Variants in PITX3 observed in about 807,000 individuals in gnomAD.
The protein encoded by PITX3 is pituitary homeobox 3.
PITX3 carries 4 observed loss-of-function variants against 14.2 expected under a neutral mutation model. The observed-to-expected ratio is 0.28, with a 90% CI of 0.14 to 0.65. PITX3 has a LOEUF of 0.65. Ranked by LOEUF, PITX3 falls within the 30% of genes least tolerant of loss-of-function variation. PITX3 has a pLI of 0.82. For missense variants in PITX3, 358 were observed against 426.8 expected (o/e 0.84, Z 1.42); for synonymous variants, 194 against 204.5 (o/e 0.95, Z 0.44).
rs747415454 is a variant in PITX3 at position 102,230,841 on chromosome 10, G to A, written c.582C>T (p.Ile194=). The change falls in exon 4 of 4, where the codon ATC becomes ATT. Residue 194 remains isoleucine, a synonymous_variant. Coordinates refer to ENST00000370002, the MANE Select transcript of PITX3 (RefSeq NM_005029.4). ...CGGCGGAGGGCACCATGGAGGCGGC[G>A]ATGGAGCTGGGTGGCGAGAAGACGG... ...SQPVFSPPSS[I]AASMVPSAAA... is the part of the protein sequence containing the mutation. 5 of 1,588,668 alleles carry A rather than the reference G, an allele frequency of 3.1e-6. No individual in the cohort carries two copies. Among genetic ancestry groups the A allele is most frequent in the Non-Finnish European group, 4.3e-6 (5 of 1,168,514 alleles).
chr10:102,235,970 C>T (rs2070382913), intron 1 of PITX3, among the ~76,000 whole-genome samples: 1 of 152,212 alleles, frequency 6.6e-6, no homozygotes, highest in Non-Finnish European at 1.5e-5. Flanking sequence ...CCTTTAGGCT[C>T]TTGCATGGGC....
In PITX3 at chr10:102,230,726, C is replaced by T. The variant is rs1307568436; in HGVS notation, c.697G>A (p.Gly233Arg). ...PGLAPAAVSS[G>R]AVSCPYASAA... is the part of the protein sequence containing the mutation. ...GAGGCATAAGGGCAGGACACGGCCC[C>T]GGAGGACACGGCGGCCGGAGCCAGC... Residue 233 changes from glycine to arginine, a missense_variant, in exon 4 of 4, where the codon GGG becomes AGG. Coordinates refer to ENST00000370002, the MANE Select transcript of PITX3 (RefSeq NM_005029.4). 40 of 1,517,498 alleles carry T rather than the reference C, an allele frequency of 2.6e-5. No individual in the cohort carries two copies. Among genetic ancestry groups the T allele is most frequent in the Non-Finnish European group, 3.2e-5 (36 of 1,134,122 alleles). The allele number at this position is 1,517,498 out of a possible 1,614,324, so 94.0% of individuals were successfully genotyped here.
In PITX3 at chr10:102,241,144, C is replaced by G. The variant is rs2070525468; in HGVS notation, c.-13+189G>C. On this transcript the variant is annotated intron_variant, in intron 1 of 3. Coordinates refer to ENST00000370002, the MANE Select transcript of PITX3 (RefSeq NM_005029.4). This position sits in a 1 kb window ranked among gnomAD's most constrained non-coding sequence, Gnocchi z 6.7. ...CTCTGAGTCTCCCCCTTCCCTATCCCCTGGTTCTTACCCTGAGTTTCCCTT... is the reference window on the plus strand; with the variant it reads ...CTCTGAGTCTCCCCCTTCCCTATCCGCTGGTTCTTACCCTGAGTTTCCCTT... Among the ~76,000 whole-genome samples, 1 of 152,208 alleles carries G rather than the reference C, an allele frequency of 6.6e-6. No homozygotes were observed. The highest frequency in any genetic ancestry group is 2.1e-4 in the South Asian group (1 of 4,832).
chr10:102,232,082 G>A lies in PITX3; in HGVS notation c.-2C>T, dbSNP rs1404898895. 1 of 1,583,588 alleles carries A rather than the reference G, an allele frequency of 6.3e-7. No individual in the cohort carries two copies. Among genetic ancestry groups the A allele is most frequent in the Non-Finnish European group, 8.6e-7 (1 of 1,163,594 alleles). ...CTCGCTGAGCAGGCCGAACTCCATGGAGGGAGGGCTCTGGAGGCGAGAGAA... is the reference window on the plus strand; with the variant it reads ...CTCGCTGAGCAGGCCGAACTCCATGAAGGGAGGGCTCTGGAGGCGAGAGAA... On this transcript the variant is annotated 5_prime_UTR_variant, in exon 2 of 4. Transcript: ENST00000370002.
At chr10:102,238,040 A>G (rs1295593656) in intron 1 of PITX3, among the ~76,000 whole-genome samples, 1 of 152,192 alleles carries the variant, frequency 6.6e-6, no homozygotes, top group Non-Finnish European at 1.5e-5. Flanking sequence ...AGGAGAAACT[A>G]TTAACTGAAA....
chr10:102,231,199 T>A, intron 3 of PITX3, 98 bp from the exon 4 acceptor site: 1 of 1,198,514 alleles, frequency 8.3e-7, no homozygotes, highest in East Asian at 2.7e-5. Flanking sequence ...GGCCCTGCGG[T>A]CAATAAACGA....
intron 1 of PITX3, among the ~76,000 whole-genome samples, chr10:102,234,468 C>T (rs2070333210): frequency 6.6e-6 from 1 of 152,268 alleles, no homozygotes. Flanking sequence ...ACTTCCCCTT[C>T]CAGGTCGGGT....
At chr10:102,233,218 C>G (rs1302793701) in intron 1 of PITX3, among the ~76,000 whole-genome samples, 2 of 151,932 alleles carry the variant, frequency 1.3e-5, no homozygotes, top group Non-Finnish European at 1.5e-5. Context: ...GCGGTTCTAG[C>G]CTGGCCTTGC....
chr10:102,236,459 CCA>C (rs1253263390), intron 1 of PITX3, among the ~76,000 whole-genome samples: 2 of 152,176 alleles, frequency 1.3e-5, no homozygotes, highest in African/African-American at 4.8e-5. Flanking sequence ...TGGCCCAGTC[CCA>C]CTGGTATCAG....
In PITX3 at chr10:102,231,493, G is replaced by A. The variant is rs1590405370; in HGVS notation, c.321+95C>T. 9.8e-6 allele frequency: 8 copies of A among 813,064 alleles called. No homozygotes were observed. In the East Asian group the frequency reaches 2.2e-4, roughly 22 times the overall value. 50.4% of individuals were successfully genotyped at this position (813,064 alleles called of 1,614,324 possible). On this transcript the variant is annotated intron_variant, in intron 3 of 3. Transcript: ENST00000370002. ...CAGGGTCCGGGGTCCGGGGTCCGAG[G>A]GAGGGGGCAGGTGGGGTGGAACCGC...
rs756594245 is a variant in PITX3 at position 102,230,583 on chromosome 10, G to A, written c.840C>T (p.Pro280=). The A allele has an allele frequency of 6.2e-7, 1 of 1,611,688 alleles. No homozygotes were observed. Among genetic ancestry groups the A allele is most frequent in the South Asian group, 1.1e-5 (1 of 90,472 alleles). The part of the protein sequence containing the change: ...KAKQHASFSY[P]AVHGPPPAAN... Reference sequence around the variant, plus strand: ...CTGCCGGGGGCGGCCCGTGCACAGCGGGGTAGCTGAAGGAGGCGTGCTGTT... The same window carrying A: ...CTGCCGGGGGCGGCCCGTGCACAGCAGGGTAGCTGAAGGAGGCGTGCTGTT... Residue 280 remains proline (P), a synonymous_variant, in exon 4 of 4, where the codon CCC becomes CCT. Coordinates refer to ENST00000370002, the MANE Select transcript of PITX3 (RefSeq NM_005029.4).
chr10:102,235,051 C>T (rs900186583), intron 1 of PITX3, among the ~76,000 whole-genome samples: 3 of 152,142 alleles, frequency 2.0e-5, no homozygotes, highest in Admixed American at 6.5e-5. Flanking sequence ...CAAACACACA[C>T]TCTCCCACAC....
At chr10:102,231,884 G>C (rs2070251533) in intron 2 of PITX3, 79 bp downstream of exon 2, 20 of 1,562,154 alleles carry the variant, frequency 1.3e-5, no homozygotes, top group South Asian at 5.5e-5. Flanking sequence ...GGCTCCCACC[G>C]GGGCTGCCCA....
At chr10:102,234,883 G>A (rs1236216850) in intron 1 of PITX3, among the ~76,000 whole-genome samples, 1 of 152,196 alleles carries the variant, frequency 6.6e-6, no homozygotes, top group African/African-American at 2.4e-5. Flanking sequence ...TATTTCAGCA[G>A]AGGGAGGCAG....
chr10:102,232,259 A>C (rs925780547), intron 1 of PITX3, among the ~76,000 whole-genome samples, 167 bp from the exon 2 acceptor site: 1 of 152,230 alleles, frequency 6.6e-6, no homozygotes, highest in African/African-American at 2.4e-5. Context: ...TAGCATCCTA[A>C]GGACGCAGAG....
intron 1 of PITX3, among the ~76,000 whole-genome samples, chr10:102,232,720 A>G (rs941593734): frequency 6.6e-6 from 1 of 152,206 alleles, no homozygotes; most frequent in African/African-American, 2.4e-5. Context: ...ATAGCACGCT[A>G]CATACCCTAT....
intron 1 of PITX3, among the ~76,000 whole-genome samples, chr10:102,234,586 G>C (rs1277730607): frequency 2.0e-5 from 3 of 152,014 alleles, no homozygotes; most frequent in African/African-American, 7.2e-5. Flanking sequence ...GATGAGGGAG[G>C]AAGGGTTAGA....
At chr10:102,232,320 G>C (rs2070268193) in intron 1 of PITX3, among the ~76,000 whole-genome samples, 1 of 152,160 alleles carries the variant, frequency 6.6e-6, no homozygotes, top group Non-Finnish European at 1.5e-5. Flanking sequence ...ACTTCGTTTC[G>C]TTTACTGCTG....
At chr10:102,240,373 G>A (rs74469897) in intron 1 of PITX3, among the ~76,000 whole-genome samples, 1,858 of 152,346 alleles carry the variant, frequency 0.012, 32 homozygotes, top group African/African-American at 0.043. Flanking sequence ...GGGGGCATGT[G>A]TCCCAGCCCA....
Sources: allele counts gnomAD v4.1 joint callset (sites outside exome capture counted in the v4.1 genomes callset), GRCh38; gene constraint gnomAD v4.1.1; non-coding constraint Gnocchi (gnomAD v3.1); transcripts MANE v1.5; gene names NCBI Gene and HGNC (gene_info 2026-07-23, HGNC 2026-07-21).